LPGAT1: variants seen among roughly 807,000 people sequenced by gnomAD.
LPGAT1 encodes the protein acyl-CoA:lysophosphatidylglycerol acyltransferase 1.
In LPGAT1, 11 loss-of-function variants were observed where a neutral mutation model predicts 47.5. The observed-to-expected ratio is 0.23, with a 90% CI of 0.15 to 0.38. The LOEUF (loss-of-function observed/expected upper bound fraction) is 0.38, where lower values mean the gene tolerates loss of function less well. Ranked by LOEUF, LPGAT1 falls within the 10% of genes least tolerant of loss-of-function variation. The probability of loss-of-function intolerance (pLI) is 1.00; values close to 1 mark genes in which losing one functional copy is unlikely to be tolerated. For missense variants in LPGAT1, 293 were observed against 439.0 expected (o/e 0.67, Z 2.97); for synonymous variants, 138 against 144.2 (o/e 0.96, Z 0.31).
chr1:211,824,869 G>A (rs1053330750), intron 2 of LPGAT1, among the ~76,000 whole-genome samples: 8 of 152,088 alleles, frequency 5.3e-5, no homozygotes, highest in African/African-American at 1.9e-4. Flanking sequence ...GTCACACAAT[G>A]AATATGTATC....
intron 4 of LPGAT1, among the ~76,000 whole-genome samples, chr1:211,785,097 C>G (rs114526316): frequency 0.087 from 13,234 of 152,158 alleles, 715 homozygotes; most frequent in East Asian, 0.19. Context: ...GCCACTGCGC[C>G]CAGCCGGTTC....
intron 2 of LPGAT1, among the ~76,000 whole-genome samples, chr1:211,822,303 T>A (rs936978096): frequency 2.0e-5 from 3 of 152,258 alleles, no homozygotes; most frequent in Non-Finnish European, 4.4e-5. Context: ...TAAACTATCT[T>A]TGAAATAAGG....
At chr1:211,765,593 A>C (rs1240893339) in intron 6 of LPGAT1, among the ~76,000 whole-genome samples, 1 of 152,210 alleles carries the variant, frequency 6.6e-6, no homozygotes, top group African/African-American at 2.4e-5. Flanking sequence ...AGAAGACCTA[A>C]AAGTGAAAAA....
intron 2 of LPGAT1, among the ~76,000 whole-genome samples, chr1:211,810,241 G>C (rs1659918754): frequency 6.6e-6 from 1 of 152,132 alleles, no homozygotes; most frequent in South Asian, 2.1e-4. Flanking sequence ...TTTCTTCAGA[G>C]AGACACAGGG....
chr1:211,779,534 C>A (rs1658549214), intron 5 of LPGAT1, among the ~76,000 whole-genome samples: 1 of 152,114 alleles, frequency 6.6e-6, no homozygotes, highest in South Asian at 2.1e-4. Flanking sequence ...TCTTTATGTA[C>A]ACATTTTGTT....
At position 211,763,954 on chromosome 1, in the gene LPGAT1, C is replaced by T. The variant is rs186774400; in HGVS notation, c.855-12887G>A. ...TGAGAGGCCAAGGCGGGTGGATCAC[C>T]TGAGGTCAGGAGTTTGAGACCAGCC... On this transcript the variant is annotated intron_variant, in intron 6 of 7. Transcript: ENST00000366997. Among the ~76,000 whole-genome samples the T allele has an allele frequency of 6.0e-4, 91 of 152,188 alleles. 1 individual carries two copies. In the East Asian group the frequency reaches 0.017, roughly 28 times the overall value.
intron 6 of LPGAT1, among the ~76,000 whole-genome samples, chr1:211,762,319 T>C (rs1247935033): frequency 1.3e-5 from 2 of 152,200 alleles, no homozygotes; most frequent in African/African-American, 4.8e-5. Flanking sequence ...TGGTGAAGTA[T>C]CTATTGCTTC....
intron 6 of LPGAT1, among the ~76,000 whole-genome samples, chr1:211,752,867 T>A (rs1392350255): frequency 6.6e-6 from 1 of 152,220 alleles, no homozygotes; most frequent in African/African-American, 2.4e-5. Flanking sequence ...TTGACATATT[T>A]CTTGAATCTT....
In LPGAT1 at chr1:211,830,038, T is replaced by G; in HGVS notation, c.-28+535A>C. On this transcript the variant is annotated intron_variant, in intron 1 of 7. Transcript: ENST00000366997. This position sits in a 1 kb window ranked among gnomAD's most constrained non-coding sequence, Gnocchi z 5.9. ...GAACTGGGGATGAAGAGAATGAGATTTCCGACCAGAGGGCAAGGAAGCAGG... is the reference window on the plus strand; with the variant it reads ...GAACTGGGGATGAAGAGAATGAGATGTCCGACCAGAGGGCAAGGAAGCAGG... 1.0e-6 allele frequency: 1 copy of G among 985,338 alleles called. No homozygotes were observed. Among genetic ancestry groups the G allele is most frequent in the Non-Finnish European group, 1.2e-6 (1 of 830,126 alleles). The allele number at this position is 985,338 out of a possible 1,614,324, so 61.0% of individuals were successfully genotyped here. A position where few individuals can be genotyped will look rare whatever the true frequency, so the allele number is the denominator to read the frequency against.
chr1:211,819,962 G>A (rs1219330806), intron 2 of LPGAT1, among the ~76,000 whole-genome samples: 2 of 151,972 alleles, frequency 1.3e-5, no homozygotes, highest in Non-Finnish European at 2.9e-5. Context: ...TCCAGCCTGA[G>A]CAACAGAGTG....
intron 2 of LPGAT1, among the ~76,000 whole-genome samples, chr1:211,800,147 G>A (rs954156307): frequency 2.6e-5 from 4 of 151,202 alleles, no homozygotes; most frequent in African/African-American, 9.7e-5. Flanking sequence ...TGATTCTCCT[G>A]CCTCAGCCTC....
At position 211,818,129 on chromosome 1, in the gene LPGAT1, C is replaced by T. The variant is rs559595991; in HGVS notation, c.238+10930G>A. Among the ~76,000 whole-genome samples, 4 of 152,254 alleles carry T rather than the reference C, an allele frequency of 2.6e-5. No homozygotes were observed. The East Asian group carries it at 7.7e-4, about 29-fold the overall frequency. ...GGATTACACGCGTGAACCACCGTAC[C>T]CAGCCAACTTTCAGTTTTTAATGGC... is the stretch of plus-strand genomic sequence containing the variant. On this transcript the variant is annotated intron_variant, in intron 2 of 7. Transcript: ENST00000366997.
At chr1:211,790,413 A>T (rs1659064100) in intron 3 of LPGAT1, among the ~76,000 whole-genome samples, 1 of 150,350 alleles carries the variant, frequency 6.7e-6, no homozygotes, top group African/African-American at 2.4e-5. Flanking sequence ...ATATTTTTCA[A>T]CTGGCCCACA....
chr1:211,795,991 T>C (rs537086687), intron 2 of LPGAT1, among the ~76,000 whole-genome samples: 1 of 152,290 alleles, frequency 6.6e-6, no homozygotes, highest in Non-Finnish European at 1.5e-5. Flanking sequence ...GCTCTCCATC[T>C]GTATTAATAG....
intron 1 of LPGAT1, chr1:211,829,630 T>C (rs183231794): frequency 8.9e-7 from 1 of 1,123,846 alleles, no homozygotes; most frequent in Admixed American, 4.5e-5. Flanking sequence ...ACTGCGGTCG[T>C]CTATTGGACT....
intron 2 of LPGAT1, among the ~76,000 whole-genome samples, chr1:211,807,864 C>T (rs1659818551): frequency 6.6e-6 from 1 of 151,934 alleles, no homozygotes; most frequent in Admixed American, 6.6e-5. Flanking sequence ...AAAACACAAG[C>T]CATAAAAGAA....
At position 211,746,964 on chromosome 1, in the gene LPGAT1, T is replaced by C. The variant is rs1571682851; in HGVS notation, c.*2935A>G. 2.0e-5 allele frequency: 3 copies of C among 152,304 alleles called. No individual in the cohort carries two copies. The highest frequency in any genetic ancestry group is 2.0e-4 in the Admixed American group (3 of 15,300). 9.4% of individuals were successfully genotyped at this position (152,304 alleles called of 1,614,324 possible). A position where few individuals can be genotyped will look rare whatever the true frequency, so the allele number is the denominator to read the frequency against. ...AGATTCCAGCAATGGATTCTCAACC[T>C]TGTCTGCTGTGGGAATCTAGGCAGT... On this transcript the variant is annotated 3_prime_UTR_variant, in exon 8 of 8. Coordinates refer to ENST00000366997, the MANE Select transcript of LPGAT1 (RefSeq NM_014873.3).
Position 211,743,640 on chromosome 1 carries a change from A to G in LPGAT1, c.*6259T>C, listed in dbSNP as rs997543554. 6 of 152,224 alleles carry G rather than the reference A, an allele frequency of 3.9e-5. No individual in the cohort carries two copies. The highest frequency in any genetic ancestry group is 7.3e-5 in the Non-Finnish European group (5 of 68,044). The allele number at this position is 152,224 out of a possible 1,614,324, so 9.4% of individuals were successfully genotyped here. On this transcript the variant is annotated 3_prime_UTR_variant, in exon 8 of 8. Coordinates refer to ENST00000366997, the MANE Select transcript of LPGAT1 (RefSeq NM_014873.3). ...TCATATTAAGTGGAAATTAAAAACAATGGCTTTCCCCCCGCCAACTCATGA... is the reference window on the plus strand; with the variant it reads ...TCATATTAAGTGGAAATTAAAAACAGTGGCTTTCCCCCCGCCAACTCATGA...
chr1:211,767,412 A>G (rs1657963260), intron 6 of LPGAT1, among the ~76,000 whole-genome samples: 1 of 152,198 alleles, frequency 6.6e-6, no homozygotes, highest in Non-Finnish European at 1.5e-5. Flanking sequence ...CTGGGATTAC[A>G]GGCATGAGCC....
Sources: gnomAD v4.1 joint callset for allele counts (sites outside exome capture counted in the v4.1 genomes callset) on GRCh38, gnomAD v4.1.1 for gene constraint, Gnocchi (gnomAD v3.1) non-coding constraint, MANE v1.5 for transcripts, NCBI Gene and HGNC (gene_info 2026-07-23, HGNC 2026-07-21) for gene names.